The following NSFL1C variants were observed in gnomAD, a reference collection of about 807,000 sequenced individuals.
NSFL1C encodes NSFL1 cofactor, also known as NSFL1 cofactor p47.
Under a neutral mutation model 43.1 loss-of-function variants are expected in NSFL1C, and 14 were observed. The ratio of observed to expected loss-of-function variants is 0.32; its 90% CI spans 0.21 to 0.51. The LOEUF (loss-of-function observed/expected upper bound fraction) is 0.51. Among genes scored for constraint, NSFL1C ranks in the 20% least tolerant of loss-of-function variants. The pLI, the probability that NSFL1C is intolerant of heterozygous loss-of-function variation, is 0.98. For missense variants in NSFL1C, 406 were observed against 472.5 expected, an observed-to-expected ratio of 0.86 and a Z score of 1.30; for synonymous variants, 171 against 183.5, an observed-to-expected ratio of 0.93 and a Z score of 0.55.
chr20:1,465,124 A>T (rs2090483754), intron 1 of NSFL1C, among the ~76,000 whole-genome samples: 1 of 152,248 alleles, frequency 6.6e-6, no homozygotes, highest in Non-Finnish European at 1.5e-5. Context: ...GGAATATGGG[A>T]ATCCTTTGGT....
At chr20:1,456,271 G>A (rs766720298) in intron 3 of NSFL1C, 1 of 153,628 alleles carries the variant, frequency 6.5e-6, no homozygotes, top group Non-Finnish European at 1.4e-5. Flanking sequence ...TGGAGGACGT[G>A]ACTGGGTGGG....
At chr20:1,447,762 T>G (rs78022814) in intron 7 of NSFL1C, among the ~76,000 whole-genome samples, 56,274 of 151,602 alleles carry the variant, frequency 0.37, 11,662 homozygotes, top group African/African-American at 0.55. Context: ...CTGATATCAG[T>G]TAAGGGGGTG....
chr20:1,446,172 A>G (rs752117877), intron 7 of NSFL1C: 6 of 422,832 alleles, frequency 1.4e-5, no homozygotes, highest in South Asian at 1.1e-4. Flanking sequence ...AGACAGGGTC[A>G]TAAGGCTGGA....
At chr20:1,456,293 A>G (rs1328397024) in intron 3 of NSFL1C, 2 of 153,258 alleles carry the variant, frequency 1.3e-5, no homozygotes, top group Non-Finnish European at 1.5e-5. Flanking sequence ...GGAGAACGAG[A>G]AAGACATTTA....
At chr20:1,445,558 G>C (rs2090039972) in intron 8 of NSFL1C, 108 bp downstream of exon 8, 2 of 1,275,580 alleles carry the variant, frequency 1.6e-6, no homozygotes, top group Non-Finnish European at 2.2e-6. Flanking sequence ...GGAAAGCATG[G>C]AGTGCCTGCT....
intron 7 of NSFL1C, among the ~76,000 whole-genome samples, chr20:1,447,340 C>T (rs2122820167): frequency 6.6e-6 from 1 of 152,290 alleles, no homozygotes; most frequent in African/African-American, 2.4e-5. Flanking sequence ...TGTCCAACCA[C>T]CCATGGCTCA....
intron 7 of NSFL1C, among the ~76,000 whole-genome samples, chr20:1,450,513 T>C (rs1250838562): frequency 6.6e-6 from 1 of 152,234 alleles, no homozygotes; most frequent in African/African-American, 2.4e-5. Context: ...TTTAAAGATA[T>C]TTTAATTTTC....
chr20:1,443,786 T>C lies in NSFL1C; in HGVS notation c.1076A>G (p.Asn359Ser). ...CTGCACGATGACAGCATTGAGCAGGTTGGCTTCCTTCAGGGTCTGGCTCTC... is the reference window on the plus strand; with the variant it reads ...CTGCACGATGACAGCATTGAGCAGGCTGGCTTCCTTCAGGGTCTGGCTCTC... ...ADESQTLKEA[N>S]LLNAVIVQRL... The change falls in exon 9 of 9, where the codon AAC (asparagine) becomes AGC (serine). Residue 359 changes from asparagine (N) to serine (S), a missense_variant. Asn to Ser is a conservative substitution (Grantham distance 46, BLOSUM62 1). Transcript: ENST00000216879. 2 of 1,614,176 alleles carry C rather than the reference T, an allele frequency of 1.2e-6. No individual in the cohort carries two copies. The highest frequency in any genetic ancestry group is 1.7e-6 in the Non-Finnish European group (2 of 1,180,032).
chr20:1,442,448 G>C lies in NSFL1C; in HGVS notation c.*1301C>G, dbSNP rs1389114715. 6.6e-6 allele frequency: 1 copy of C among 152,274 alleles called. No homozygotes were observed. Among genetic ancestry groups the C allele is most frequent in the Non-Finnish European group, 1.5e-5 (1 of 68,088 alleles). 9.4% of individuals were successfully genotyped at this position (152,274 alleles called of 1,614,324 possible). A position where few individuals can be genotyped will look rare whatever the true frequency, so the allele number is the denominator to read the frequency against. On this transcript the variant is annotated 3_prime_UTR_variant, in exon 9 of 9. Transcript: ENST00000216879. Reference sequence around the variant, plus strand: ...AGGGGTGAAGCAGGAAAGAGAAAGAGACTGGTGAGGCCTGCTTGGAAAGAG... The same window carrying C: ...AGGGGTGAAGCAGGAAAGAGAAAGACACTGGTGAGGCCTGCTTGGAAAGAG...
intron 7 of NSFL1C, 113 bp from the exon 8 acceptor site, chr20:1,445,943 G>A: frequency 1.7e-6 from 2 of 1,155,588 alleles, no homozygotes; most frequent in Admixed American, 4.3e-5. Context: ...ATTGTTTGGT[G>A]CTGCTGATCT....
chr20:1,458,057 A>G (rs2090337836), intron 3 of NSFL1C, 143 bp downstream of exon 3: 1 of 674,394 alleles, frequency 1.5e-6, no homozygotes, highest in Non-Finnish European at 2.7e-6. Context: ...GAGACTTCCT[A>G]AGATATAACC....
rs960987516 is a variant in NSFL1C at position 1,445,604 on chromosome 20, C to T, written c.950+62G>A. 17 of 1,567,210 alleles carry T rather than the reference C, an allele frequency of 1.1e-5. No homozygotes were observed. The Admixed American group carries it at 1.9e-4, about 18-fold the overall frequency. ...AGGAAGAACGGCTCTCTGCTTCCCA[C>T]ACATTTGCGTGAGGCCCAGAGGACA... On this transcript the variant is annotated intron_variant, in intron 8 of 8. Transcript: ENST00000216879.
chr20:1,453,445 C>T (rs2090226533), intron 5 of NSFL1C, among the ~76,000 whole-genome samples: 2 of 152,180 alleles, frequency 1.3e-5, no homozygotes, highest in African/African-American at 4.8e-5. Context: ...CGACGCTTTG[C>T]TTGTGCTTGG....
At chr20:1,448,191 G>A (rs1360488375) in intron 7 of NSFL1C, among the ~76,000 whole-genome samples, 9 of 152,156 alleles carry the variant, frequency 5.9e-5, no homozygotes, top group East Asian at 3.8e-4. Context: ...ACAGCTCCAC[G>A]CCTTTTGGGG....
chr20:1,452,032 G>C (rs2090191565), intron 7 of NSFL1C, among the ~76,000 whole-genome samples: 2 of 152,198 alleles, frequency 1.3e-5, no homozygotes, highest in Admixed American at 6.5e-5. Flanking sequence ...GCAAGAGTCT[G>C]TAATTTCTTA....
intron 7 of NSFL1C, among the ~76,000 whole-genome samples, chr20:1,448,563 T>C (rs1308246057): frequency 6.6e-6 from 1 of 152,204 alleles, no homozygotes; most frequent in Non-Finnish European, 1.5e-5. Flanking sequence ...CTGTGTAGCT[T>C]CTGACTGGCT....
rs773957063 is a variant in NSFL1C at position 1,452,618 on chromosome 20, T to C, written c.660A>G (p.Ala220=). ...CACCGTGAGCTAGCCTCCGAAGCTC[T>C]GCTGGCACCTCCCTGTGGAAGAAAA... is the stretch of plus-strand genomic sequence containing the variant. ...LESIRRGEVP[A]ELRRLAHGGQ... is the part of the protein sequence containing the mutation. The change falls in exon 7 of 9, where the codon GCA becomes GCG. Residue 220 remains alanine, a synonymous_variant. Coordinates refer to ENST00000216879, the MANE Select transcript of NSFL1C (RefSeq NM_016143.5). 6.2e-7 allele frequency: 1 copy of C among 1,614,150 alleles called. No homozygotes were observed. Among genetic ancestry groups the C allele is most frequent in the South Asian group, 1.1e-5 (1 of 91,078 alleles).
chr20:1,463,177 G>C (rs1254935556), intron 2 of NSFL1C, among the ~76,000 whole-genome samples: 1 of 152,028 alleles, frequency 6.6e-6, no homozygotes, highest in Non-Finnish European at 1.5e-5. Flanking sequence ...GAAAAGAAAG[G>C]AGTAAACATG....
intron 7 of NSFL1C, among the ~76,000 whole-genome samples, chr20:1,447,571 T>C (rs2090087978): frequency 6.6e-6 from 1 of 152,218 alleles, no homozygotes; most frequent in African/African-American, 2.4e-5. Flanking sequence ...CTATCTCGTT[T>C]TGTTCATTAG....
Sources: allele counts gnomAD v4.1 joint callset (sites outside exome capture counted in the v4.1 genomes callset), GRCh38; gene constraint gnomAD v4.1.1; transcripts MANE v1.5; gene names NCBI Gene and HGNC (gene_info 2026-07-23, HGNC 2026-07-21).